Variants in SYTL2 observed in about 807,000 individuals in gnomAD.
The protein encoded by SYTL2 is synaptotagmin-like protein 2.
A neutral mutation model predicts 198.7 loss-of-function variants in SYTL2; 165 were observed. That is an observed-to-expected ratio of 0.83 (90% CI 0.73 to 0.94). SYTL2 has a LOEUF of 0.94. Among genes scored for constraint, SYTL2 ranks in the 40% least tolerant of loss-of-function variants. The pLI is 0.00. For synonymous variants in SYTL2, 966 were observed against 917.7 expected, an observed-to-expected ratio of 1.05 and a Z score of -0.95; for missense variants, 2,835 against 2,582.8, an observed-to-expected ratio of 1.10 and a Z score of -2.12.
intron 8 of SYTL2, among the ~76,000 whole-genome samples, chr11:85,723,176 G>A (rs949752186): frequency 3.3e-5 from 5 of 152,178 alleles, no homozygotes; most frequent in African/African-American, 1.2e-4. Flanking sequence ...ACTGAGACAA[G>A]CCCTACATTT....
intron 1 of SYTL2, among the ~76,000 whole-genome samples, chr11:85,762,120 C>T (rs1038800835): frequency 6.6e-6 from 1 of 152,180 alleles, no homozygotes; most frequent in Non-Finnish European, 1.5e-5. Flanking sequence ...ACACAGATTC[C>T]TCCAATCAGC....
Position 85,725,021 on chromosome 11 carries a change from A to G in SYTL2, c.4337T>C (p.Val1446Ala). The G allele has an allele frequency of 6.2e-7, 1 of 1,614,170 alleles. No homozygotes were observed. The highest frequency in any genetic ancestry group is 8.5e-7 in the Non-Finnish European group (1 of 1,180,016). Reference sequence around the variant, plus strand: ...CATTTGGGCAGCTAAATAAGATCCAACTTCATGAGTTTTATCAGGAACTAC... The same window carrying G: ...CATTTGGGCAGCTAAATAAGATCCAGCTTCATGAGTTTTATCAGGAACTAC... ...SNVVPDKTHE[V>A]GSYLAAQMSP... is the part of the protein sequence containing the mutation. Residue 1446 changes from valine (V) to alanine (A), a missense_variant, in exon 8 of 20, where the codon GTT (valine) becomes GCT (alanine). This residue lies in a region of SYTL2 where 2,645 missense variants were observed against 2,381.7 expected (regional missense o/e 1.11). Transcript: ENST00000359152.
intron 16 of SYTL2, among the ~76,000 whole-genome samples, chr11:85,704,552 A>G (rs984388110): frequency 1.3e-5 from 2 of 152,196 alleles, no homozygotes; most frequent in Non-Finnish European, 2.9e-5. Flanking sequence ...ATCATTGAAT[A>G]CACTTTGGTC....
upstream of SYTL2, among the ~76,000 whole-genome samples, chr11:85,812,525 T>C (rs1378081728): frequency 6.6e-6 from 1 of 152,212 alleles, no homozygotes; most frequent in Admixed American, 6.5e-5. Flanking sequence ...AATAATTTCA[T>C]TTTAGGGTAA....
chr11:85,718,772 A>C lies in SYTL2; in HGVS notation c.5482+18T>G. On this transcript the variant is annotated intron_variant, in intron 10 of 19. Coordinates refer to ENST00000359152, the MANE Select transcript of SYTL2 (RefSeq NM_206927.4). ...AGTTAATACAAAGACAGACACGCAA[A>C]TACATAAAGATATTTACCATCTTCA... 1 of 1,611,860 alleles carries C rather than the reference A, an allele frequency of 6.2e-7. No homozygotes were observed. Among genetic ancestry groups the C allele is most frequent in the South Asian group, 1.1e-5 (1 of 90,966 alleles).
intron 1 of SYTL2, among the ~76,000 whole-genome samples, chr11:85,788,562 C>G (rs1367651017): frequency 6.6e-6 from 1 of 152,114 alleles, no homozygotes; most frequent in Non-Finnish European, 1.5e-5. Context: ...ATCACATCAC[C>G]TTTAATAATG....
Position 85,768,077 on chromosome 11 carries a change from T to C in SYTL2, c.-389-9963A>G, listed in dbSNP as rs80256992. ...CTACAAGTGAGCATCAGCACTTGCA[T>C]GACCTTGTCTCCAAGGACTTTGTGC... On this transcript the variant is annotated intron_variant, in intron 1 of 19. Transcript: ENST00000359152. 3.7e-3 allele frequency among the ~76,000 whole-genome samples: 570 copies of C among 152,274 alleles called. 3 individuals carry two copies. The highest frequency in any genetic ancestry group is 6.0e-3 in the Non-Finnish European group (406 of 68,010).
Position 85,745,706 on chromosome 11 carries a change from G to A in SYTL2, c.320C>T (p.Ala107Val), listed in dbSNP as rs2091106389. 6.2e-7 allele frequency: 1 copy of A among 1,613,720 alleles called. No individual in the cohort carries two copies. The highest frequency in any genetic ancestry group is 1.1e-5 in the South Asian group (1 of 91,060). ...GCCAGCCAGCTCTGGAGGAAGGAAA[G>A]CATCTTTGTTGACATTATTCACCCA... ...ESWVNNVNKDAFLPPELAGVV... is the reference protein window; with the variant it reads ...ESWVNNVNKDVFLPPELAGVV... The change falls in exon 4 of 20, where the codon GCT (alanine) becomes GTT (valine). Residue 107 changes from alanine to valine, a missense_variant. Around this residue, in one of 3 missense-constraint regions of SYTL2, gnomAD observed 2,645 missense variants for 2,381.7 expected, o/e 1.11. Coordinates refer to ENST00000359152, the MANE Select transcript of SYTL2 (RefSeq NM_206927.4).
At chr11:85,820,444 A>G in the SYTL2 span, among the ~76,000 whole-genome samples, 2 of 152,328 alleles carry the variant, frequency 1.3e-5, no homozygotes, top group Non-Finnish European at 2.9e-5. Flanking sequence ...GAAGACATTT[A>G]ATACCCAGAA....
At chr11:85,741,217 C>A (rs1431201167) in intron 4 of SYTL2, among the ~76,000 whole-genome samples, 1 of 152,138 alleles carries the variant, frequency 6.6e-6, no homozygotes, top group African/African-American at 2.4e-5. Flanking sequence ...GCACCCAGAA[C>A]TGTGCTGGCA....
chr11:85,811,339 C>T (rs1370665601), upstream of SYTL2, among the ~76,000 whole-genome samples: 1 of 152,170 alleles, frequency 6.6e-6, no homozygotes, highest in Non-Finnish European at 1.5e-5. Context: ...CCCTCCGCCC[C>T]CGCCTGCTGC....
At chr11:85,696,468 A>G in intron 18 of SYTL2, 80 bp from the exon 19 acceptor site, 1 of 1,161,762 alleles carries the variant, frequency 8.6e-7, no homozygotes, top group Non-Finnish European at 1.3e-6. Context: ...CAACACAGCT[A>G]TTAAAGATTG....
chr11:85,798,714 A>G (rs2092840094), intron 1 of SYTL2, among the ~76,000 whole-genome samples: 2 of 152,224 alleles, frequency 1.3e-5, no homozygotes, highest in Admixed American at 1.3e-4. Context: ...GAGGAGTCAC[A>G]CTGGACACAC....
chr11:85,788,349 T>C (rs2092670452), intron 1 of SYTL2, among the ~76,000 whole-genome samples: 1 of 152,340 alleles, frequency 6.6e-6, no homozygotes, highest in African/African-American at 2.4e-5. Flanking sequence ...AGATGAGTCA[T>C]ATTATTAACC....
At chr11:85,802,577 T>A (rs2092906292) in intron 1 of SYTL2, among the ~76,000 whole-genome samples, 1 of 150,910 alleles carries the variant, frequency 6.6e-6, no homozygotes, top group South Asian at 2.1e-4. Flanking sequence ...CACACTGTAC[T>A]GTAAGTACTA....
intron 9 of SYTL2, among the ~76,000 whole-genome samples, chr11:85,720,405 G>C (rs1252645237): frequency 1.3e-5 from 2 of 152,184 alleles, no homozygotes; most frequent in Non-Finnish European, 2.9e-5. Context: ...ACATTTCTGA[G>C]CTTCATTTTC....
At chr11:85,813,690 TCCTC>T (rs139494184), upstream of SYTL2, among the ~76,000 whole-genome samples, 24,074 of 147,708 alleles carry the variant, frequency 0.16, 2,253 homozygotes, top group South Asian at 0.28. Context: ...TAGACAAGTC[TCCTC>T]CCTCCCTCCC....
rs537638236 is a variant in SYTL2, at chr11:85,715,481, A to G, written c.5531-974T>C. Among the ~76,000 whole-genome samples, 20 of 152,282 alleles carry G rather than the reference A, an allele frequency of 1.3e-4. No individual in the cohort carries two copies. The East Asian group carries it at 3.9e-3, about 29-fold the overall frequency. On this transcript the variant is annotated intron_variant, in intron 11 of 19. Coordinates refer to ENST00000359152, the MANE Select transcript of SYTL2 (RefSeq NM_206927.4). ...CAGATACATTGACTTTATCATTATA[A>G]GAGATATTAAGAAAATAGGTAAAAA...
intron 1 of SYTL2, among the ~76,000 whole-genome samples, chr11:85,789,500 G>T (rs1183393672): frequency 4.7e-5 from 7 of 149,054 alleles, no homozygotes; most frequent in Non-Finnish European, 8.9e-5. Context: ...CTCCCAAAGT[G>T]TTGGGATTAC....
Sources: allele counts gnomAD v4.1 joint callset (sites outside exome capture counted in the v4.1 genomes callset), GRCh38; gene constraint gnomAD v4.1.1; regional missense constraint gnomAD v4.1.1; transcripts MANE v1.5; gene names NCBI Gene and HGNC (gene_info 2026-07-23, HGNC 2026-07-21).